C19orf47: variants seen among roughly 807,000 people sequenced by gnomAD.
C19orf47 encodes chromosome 19 open reading frame 47, also known as uncharacterized protein C19orf47.
C19orf47 carries 18 observed loss-of-function variants against 32.3 expected under a neutral mutation model. That is an observed-to-expected ratio of 0.56 (90% CI 0.39 to 0.83). C19orf47 has a LOEUF of 0.83. C19orf47 is among the 40% of genes least tolerant of loss of function. C19orf47 has a pLI of 0.00. For missense variants in C19orf47, 484 were observed against 531.6 expected (o/e 0.91, Z 0.88); for synonymous variants, 202 against 211.1 (o/e 0.96, Z 0.37).
In C19orf47 at chr19:40,336,421, CA is replaced by C. The variant is rs754496423; in HGVS notation, c.20-15del. The C allele has an allele frequency of 3.7e-6, 6 of 1,607,494 alleles. No homozygotes were observed. The African/African-American group carries it at 8.0e-5, about 21-fold the overall frequency. Reference sequence around the variant, plus strand: ...ACTCGGAAGTGGCTGTGGGGTTGGACAGGGCTCATTACTCACACTGTCCTCT... The same window carrying C: ...ACTCGGAAGTGGCTGTGGGGTTGGACGGGCTCATTACTCACACTGTCCTCT... On this transcript the variant is annotated splice_polypyrimidine_tract_variant and intron_variant, in intron 2 of 8. Coordinates refer to ENST00000683109, the MANE Select transcript of C19orf47 (RefSeq NM_001256441.2).
At chr19:40,295,309 C>T in the C19orf47 span, among the ~76,000 whole-genome samples, 1 of 151,946 alleles carries the variant, frequency 6.6e-6, no homozygotes, top group African/African-American at 2.4e-5. Flanking sequence ...CGTGAGCCAC[C>T]GTGCCCGGCC....
chr19:40,341,749 C>T (rs1235447277), intron 2 of C19orf47, 90 bp downstream of exon 2: 1 of 1,517,242 alleles, frequency 6.6e-7, no homozygotes, highest in Non-Finnish European at 8.8e-7. Context: ...ACCCAGTCCT[C>T]CCTCCCCCAT....
At chr19:40,301,948 T>C in the C19orf47 span, among the ~76,000 whole-genome samples, 3 of 151,664 alleles carry the variant, frequency 2.0e-5, no homozygotes, top group African/African-American at 7.3e-5. Context: ...TCACTTGAGG[T>C]CAGGAGTTGG....
intron 1 of C19orf47, among the ~76,000 whole-genome samples, chr19:40,344,837 C>T (rs899026288): frequency 6.6e-6 from 1 of 152,156 alleles, no homozygotes; most frequent in Non-Finnish European, 1.5e-5. Flanking sequence ...ACATCTCAGT[C>T]GCTCCTCACA....
chr19:40,334,708 AC>A (rs2078023089), intron 4 of C19orf47: 1 of 152,074 alleles, frequency 6.6e-6, no homozygotes, highest in Non-Finnish European at 1.5e-5. Context: ...AGACAGCACC[AC>A]TACACTCCAG....
the C19orf47 span, among the ~76,000 whole-genome samples, chr19:40,312,862 G>A: frequency 6.6e-6 from 1 of 152,208 alleles, no homozygotes; most frequent in African/African-American, 2.4e-5. Context: ...GTTAATTTAA[G>A]CCACTAAGTT....
chr19:40,325,231 C>A (rs2077804789), intron 7 of C19orf47, among the ~76,000 whole-genome samples: 1 of 151,224 alleles, frequency 6.6e-6, no homozygotes. Context: ...GATTGTGCCA[C>A]TGCACTCCAG....
At chr19:40,308,284 T>C in the C19orf47 span, among the ~76,000 whole-genome samples, 2 of 151,304 alleles carry the variant, frequency 1.3e-5, no homozygotes, top group East Asian at 3.9e-4. Context: ...GCCTCCAGAG[T>C]AGCTGGGATT....
chr19:40,344,638 A>T (rs2078238811), intron 1 of C19orf47, among the ~76,000 whole-genome samples: 1 of 152,192 alleles, frequency 6.6e-6, no homozygotes, highest in Non-Finnish European at 1.5e-5. Context: ...ACAGCTCAGC[A>T]AGTGAGGACT....
chr19:40,324,392 C>T (rs1445227123), intron 7 of C19orf47: 3 of 399,950 alleles, frequency 7.5e-6, no homozygotes, highest in South Asian at 4.3e-5. Flanking sequence ...TCAGGGACCT[C>T]TGAGAGAATC....
At chr19:40,323,923 T>G in intron 8 of C19orf47, 83 bp downstream of exon 8, 2 of 1,538,094 alleles carry the variant, frequency 1.3e-6, no homozygotes, top group Non-Finnish European at 1.8e-6. Flanking sequence ...CGAGTGAGGT[T>G]GAGATGTGTT....
chr19:40,347,082 T>C (rs1275912938), intron 1 of C19orf47, among the ~76,000 whole-genome samples: 10 of 152,142 alleles, frequency 6.6e-5, no homozygotes, highest in Non-Finnish European at 1.5e-4. Flanking sequence ...ACAGTACAGG[T>C]TCTGAACAGT....
At chr19:40,317,002 T>A (rs549961714), downstream of C19orf47, among the ~76,000 whole-genome samples, 3 of 152,204 alleles carry the variant, frequency 2.0e-5, no homozygotes, top group South Asian at 6.2e-4. Context: ...AGAAATTGGT[T>A]AACATTTGTA....
At chr19:40,293,309 C>G in the C19orf47 span, among the ~76,000 whole-genome samples, 4 of 151,264 alleles carry the variant, frequency 2.6e-5, no homozygotes, top group Non-Finnish European at 1.5e-5. Context: ...CCACGCCTGG[C>G]CAATTTTTAT....
intron 7 of C19orf47, 93 bp from the exon 8 acceptor site, chr19:40,324,169 A>T (rs1418437166): frequency 1.6e-6 from 2 of 1,234,886 alleles, no homozygotes; most frequent in Non-Finnish European, 2.4e-6. Flanking sequence ...AGACACCAGT[A>T]GCTCTGGGAC....
chr19:40,313,062 T>C, the C19orf47 span, among the ~76,000 whole-genome samples: 1 of 152,232 alleles, frequency 6.6e-6, no homozygotes, highest in Non-Finnish European at 1.5e-5. Flanking sequence ...GAGTAACTGC[T>C]GGGTTGGAAA....
Position 40,322,280 on chromosome 19 carries a change from A to G in C19orf47, c.760T>C (p.Tyr254His). ...DNDSSSSVLQ[Y>H]AGVLKKLGRG... Reference sequence around the variant, plus strand: ...CCTAGCTTCTTCAGGACCCCGGCATACTGCAAGACAGAGCTGCTGCTGTCA... The same window carrying G: ...CCTAGCTTCTTCAGGACCCCGGCATGCTGCAAGACAGAGCTGCTGCTGTCA... The change falls in exon 9 of 9, where the codon TAT (tyrosine) becomes CAT (histidine). Residue 254 changes from tyrosine (Y) to histidine (H), a missense_variant. By Grantham distance (83) the Tyr-to-His change is moderately conservative (BLOSUM62 2). Around this residue, in one of 3 missense-constraint regions of C19orf47, gnomAD observed 376 missense variants for 370.2 expected, o/e 1.02. Transcript: ENST00000683109. 6.2e-7 allele frequency: 1 copy of G among 1,608,956 alleles called. No individual in the cohort carries two copies.
chr19:40,332,904 T>G (rs1420372805), intron 5 of C19orf47, among the ~76,000 whole-genome samples: 1 of 152,180 alleles, frequency 6.6e-6, no homozygotes. Flanking sequence ...CTTTGCCCAG[T>G]CTACTTGATG....
chr19:40,317,342 C>T (rs2077668807), downstream of C19orf47, among the ~76,000 whole-genome samples: 1 of 152,018 alleles, frequency 6.6e-6, no homozygotes. Context: ...GCCTGTAATC[C>T]CAACACTTTG....
Sources: gnomAD v4.1 joint callset for allele counts (sites outside exome capture counted in the v4.1 genomes callset) on GRCh38, gnomAD v4.1.1 for gene constraint, gnomAD v4.1.1 regional missense constraint, MANE v1.5 for transcripts, NCBI Gene and HGNC (gene_info 2026-07-23, HGNC 2026-07-21) for gene names.